The following DOCK8 variants were observed in gnomAD, a reference collection of about 807,000 sequenced individuals.
DOCK8 encodes the protein dedicator of cytokinesis protein 8.
DOCK8 carries 141 observed loss-of-function variants against 245.6 expected under a neutral mutation model. The ratio of observed to expected loss-of-function variants is 0.57; its 90% confidence interval spans 0.50 to 0.66. DOCK8 has a LOEUF of 0.66. Among genes scored for constraint, DOCK8 ranks in the 30% least tolerant of loss-of-function variants. DOCK8 has a pLI of 0.00. For missense variants in DOCK8, 2,965 were observed against 2,603.4 expected, an observed-to-expected ratio of 1.14 and a Z score of -3.02; for synonymous variants, 1,168 against 970.2, an observed-to-expected ratio of 1.20 and a Z score of -3.79.
intron 1 of DOCK8, among the ~76,000 whole-genome samples, chr9:260,843 T>TACTC (rs1209970449): frequency 6.6e-6 from 1 of 152,206 alleles, no homozygotes; most frequent in African/African-American, 2.4e-5. Flanking sequence ...TACAGTGGAA[T>TACTC]ACTCCTCCAT....
intron 40 of DOCK8, among the ~76,000 whole-genome samples, chr9:440,598 T>C (rs1039444776): frequency 2.0e-5 from 3 of 152,226 alleles, no homozygotes; most frequent in Non-Finnish European, 4.4e-5. Flanking sequence ...AGAATCCTAC[T>C]AACTCTTTGG....
At chr9:230,352 T>A (rs1372039190) in intron 1 of DOCK8, among the ~76,000 whole-genome samples, 3 of 152,082 alleles carry the variant, frequency 2.0e-5, no homozygotes, top group Non-Finnish European at 4.4e-5. Context: ...ATAGTGCTGC[T>A]ATAAACATAC....
chr9:366,152 T>C (rs1161880302), intron 14 of DOCK8: 2 of 157,742 alleles, frequency 1.3e-5, no homozygotes, highest in Non-Finnish European at 2.8e-5. Flanking sequence ...TCTATGCTGA[T>C]CCCTTCATTG....
intron 1 of DOCK8, among the ~76,000 whole-genome samples, chr9:235,866 C>T (rs2047233299): frequency 6.6e-6 from 1 of 152,224 alleles, no homozygotes; most frequent in African/African-American, 2.4e-5. Context: ...GAGGTGATGC[C>T]TTGCCCTGCT....
chr9:377,250 C>A, intron 20 of DOCK8, 39 bp downstream of exon 20: 2 of 1,518,148 alleles, frequency 1.3e-6, no homozygotes, highest in African/African-American at 2.7e-5. Flanking sequence ...GAGGCAGGAG[C>A]AAGCAAGCAT....
intron 14 of DOCK8, among the ~76,000 whole-genome samples, chr9:359,639 A>C (rs1328643664): frequency 6.6e-6 from 1 of 152,202 alleles, no homozygotes; most frequent in Non-Finnish European, 1.5e-5. Flanking sequence ...TGACATTAGT[A>C]GGCATTTGAA....
chr9:378,582 T>C (rs1201148630), intron 20 of DOCK8, among the ~76,000 whole-genome samples: 1 of 152,262 alleles, frequency 6.6e-6, no homozygotes, highest in African/African-American at 2.4e-5. Flanking sequence ...TGCAGAGCTC[T>C]GCCCTCCTTC....
intron 26 of DOCK8, among the ~76,000 whole-genome samples, chr9:400,769 A>T (rs1292125841): frequency 1.7e-4 from 12 of 70,756 alleles, no homozygotes; most frequent in Admixed American, 2.9e-4. Context: ...CACCACCTCC[A>T]CCACCACCAC....
intron 45 of DOCK8, among the ~76,000 whole-genome samples, chr9:450,933 G>C (rs1436438166): frequency 6.6e-6 from 1 of 151,420 alleles, no homozygotes; most frequent in East Asian, 1.9e-4. Flanking sequence ...TTTTAGAAAA[G>C]CAACTCAAAG....
In DOCK8 at chr9:312,022, T is replaced by A; in HGVS notation, c.597T>A (p.Phe199Leu). The change falls in exon 6 of 48, where the codon TTT becomes TTA. Residue 199 changes from phenylalanine (F) to leucine (L), a missense_variant. By Grantham distance (22) the Phe-to-Leu change is conservative (BLOSUM62 0). Around this residue, in one of 3 missense-constraint regions of DOCK8, gnomAD observed 2,825 missense variants for 2,453.5 expected, o/e 1.15. Coordinates refer to ENST00000432829, the MANE Select transcript of DOCK8 (RefSeq NM_203447.4). ...AAGGCCCCGTCACTGCCTGTGACTTTGACCTCCGCAGCCTGCAGCCTGACA... is the reference window on the plus strand; with the variant it reads ...AAGGCCCCGTCACTGCCTGTGACTTAGACCTCCGCAGCCTGCAGCCTGACA... ...SGKGPVTACD[F>L]DLRSLQPDKR... 2 of 1,614,196 alleles carry A rather than the reference T, an allele frequency of 1.2e-6. No homozygotes were observed.
intron 5 of DOCK8, among the ~76,000 whole-genome samples, chr9:305,941 G>C (rs1341312712): frequency 1.3e-5 from 2 of 152,162 alleles, no homozygotes; most frequent in African/African-American, 4.8e-5. Flanking sequence ...GGAGGGAGGA[G>C]TAGGAAGTTA....
intron 5 of DOCK8, among the ~76,000 whole-genome samples, chr9:309,710 C>G (rs977712119): frequency 6.6e-6 from 1 of 152,154 alleles, no homozygotes; most frequent in Admixed American, 6.5e-5. Context: ...TAACTGTTAC[C>G]AAATTCCCGT....
At chr9:419,101 C>A (rs543922547) in intron 30 of DOCK8, among the ~76,000 whole-genome samples, 1 of 152,270 alleles carries the variant, frequency 6.6e-6, no homozygotes, top group Non-Finnish European at 1.5e-5. Context: ...CTCTGACTAT[C>A]CCTTGTGAAG....
intron 14 of DOCK8, among the ~76,000 whole-genome samples, chr9:364,968 A>T (rs757864238): frequency 4.6e-5 from 7 of 152,210 alleles, no homozygotes; most frequent in Non-Finnish European, 8.8e-5. Context: ...AGAACCAGCC[A>T]TTTAGTGAAT....
chr9:376,445 A>G, intron 19 of DOCK8, 140 bp downstream of exon 19: 1 of 737,132 alleles, frequency 1.4e-6, no homozygotes, highest in East Asian at 2.6e-5. Context: ...GGGACATGCA[A>G]ACCTCTTTAG....
chr9:400,675 C>T lies in DOCK8; in HGVS notation c.3234+1416C>T, dbSNP rs915047783. On this transcript the variant is annotated intron_variant, in intron 26 of 47. Transcript: ENST00000432829. ...CCACCTCCACCACCACCAGCATCTT[C>T]ACCATCACCACCACCTCCACCACCA... Among the ~76,000 whole-genome samples the T allele has an allele frequency of 2.8e-3, 318 of 114,212 alleles. 4 individuals are homozygous for T. Among genetic ancestry groups the T allele is most frequent in the Non-Finnish European group, 3.8e-3 (214 of 55,642 alleles). The allele number at this position is 114,212 out of a possible 152,430, so 74.9% of individuals were successfully genotyped here. A position where few individuals can be genotyped will look rare whatever the true frequency, so the allele number is the denominator to read the frequency against.
intron 7 of DOCK8, among the ~76,000 whole-genome samples, chr9:319,215 C>G (rs992630854): frequency 6.6e-6 from 1 of 152,082 alleles, no homozygotes; most frequent in African/African-American, 2.4e-5. Flanking sequence ...GCCAGGAGTT[C>G]AAGGCTGCAG....
chr9:377,358 C>A, intron 20 of DOCK8, 147 bp downstream of exon 20: 1 of 674,452 alleles, frequency 1.5e-6, no homozygotes. Context: ...AAGTCTTATG[C>A]TATTTTTTTT....
intron 43 of DOCK8, among the ~76,000 whole-genome samples, chr9:444,803 C>A (rs1330123416): frequency 1.3e-5 from 2 of 152,224 alleles, no homozygotes; most frequent in African/African-American, 4.8e-5. Flanking sequence ...AAAGACCAGA[C>A]ATATTCTTTA....
Sources: gnomAD v4.1 joint callset for allele counts (sites outside exome capture counted in the v4.1 genomes callset) on GRCh38, gnomAD v4.1.1 for gene constraint, gnomAD v4.1.1 regional missense constraint, MANE v1.5 for transcripts, NCBI Gene and HGNC (gene_info 2026-07-23, HGNC 2026-07-21) for gene names.